The following ASIC2 variants were observed in gnomAD, a reference collection of about 807,000 sequenced individuals.
ASIC2 encodes the protein acid sensing ion channel subunit 2.
Under a neutral mutation model 57.3 loss-of-function variants are expected in ASIC2, and 25 were observed. The ratio of observed to expected loss-of-function variants is 0.44; its 90% CI spans 0.32 to 0.61. ASIC2 has a LOEUF of 0.61. Among genes scored for constraint, ASIC2 ranks in the 20% least tolerant of loss-of-function variants. The probability of loss-of-function intolerance (pLI) is 0.06; values close to 1 mark genes in which losing one functional copy is unlikely to be tolerated. For synonymous variants in ASIC2, 319 were observed against 307.5 expected, an observed-to-expected ratio of 1.04 and a Z score of -0.39; for missense variants, 641 against 738.1, an observed-to-expected ratio of 0.87 and a Z score of 1.52.
In ASIC2 at chr17:33,291,875, C is replaced by A; in HGVS notation, c.241G>T (p.Gly81Cys). The change falls in exon 1 of 10, where the codon GGC becomes TGC. Residue 81 changes from glycine to cysteine, a missense_variant. Gly to Cys is a radical substitution (Grantham distance 159). Transcript: ENST00000225823. ...HMCAGRTAAG[G>C]SFQRRALWVL... ...CACAGCGCCCGCCGCTGGAAGGAGC[C>A]CCCAGCCGCCGTGCGCCCGGCACAC... The A allele has an allele frequency of 1.9e-6, 3 of 1,607,356 alleles. No homozygotes were observed. Among genetic ancestry groups the A allele is most frequent in the Non-Finnish European group, 2.5e-6 (3 of 1,179,248 alleles).
chr17:33,105,576 A>G (rs2092231536), intron 2 of ASIC2, among the ~76,000 whole-genome samples: 2 of 152,250 alleles, frequency 1.3e-5, no homozygotes, highest in South Asian at 4.1e-4. Flanking sequence ...TGTGGAAAAC[A>G]CTTTGGAACT....
At chr17:33,339,885 T>A (rs1323635284) in intron 1 of ASIC2, among the ~76,000 whole-genome samples, 1 of 152,166 alleles carries the variant, frequency 6.6e-6, no homozygotes, top group Non-Finnish European at 1.5e-5. Context: ...AGGTCATTTG[T>A]TAGCAAAATC....
At chr17:33,712,655 T>TTTTTTTTTTTATTTTTTTTTA in intron 1 of ASIC2, among the ~76,000 whole-genome samples, 1 of 139,002 alleles carries the variant, frequency 7.2e-6, no homozygotes, top group African/African-American at 2.8e-5. Flanking sequence ...TTTTTTTTTT[T>TTTTTTTTTTTATTTTTTTTTA]TTTTTTTTGA....
chr17:33,919,027 C>T (rs560881254), intron 1 of ASIC2, among the ~76,000 whole-genome samples: 39 of 152,268 alleles, frequency 2.6e-4, no homozygotes, highest in Middle Eastern at 3.4e-3. Flanking sequence ...GGGGGTGTGC[C>T]ATGATCCCCA....
intron 1 of ASIC2, among the ~76,000 whole-genome samples, chr17:34,007,563 G>A (rs1357496230): frequency 6.6e-6 from 1 of 152,164 alleles, no homozygotes; most frequent in Non-Finnish European, 1.5e-5. Context: ...AACAGAGGAG[G>A]TACCCAAGCC....
At chr17:33,188,309 G>A (rs562311083) in intron 1 of ASIC2, among the ~76,000 whole-genome samples, 122 of 152,230 alleles carry the variant, frequency 8.0e-4, no homozygotes, top group African/African-American at 2.8e-3. Flanking sequence ...AAATAATGGA[G>A]TATCTGTGAG....
At chr17:33,301,957 T>A (rs1196687789) in intron 1 of ASIC2, among the ~76,000 whole-genome samples, 1 of 152,240 alleles carries the variant, frequency 6.6e-6, no homozygotes, top group East Asian at 1.9e-4. Flanking sequence ...CTCCTTCAGA[T>A]GTCCAGACCC....
intron 1 of ASIC2, among the ~76,000 whole-genome samples, chr17:33,633,512 G>GT (rs1906245401): frequency 6.6e-6 from 1 of 152,206 alleles, no homozygotes; most frequent in Non-Finnish European, 1.5e-5. Flanking sequence ...GGGTCGAGGG[G>GT]TTGCTGGAGT....
At chr17:34,028,607 C>G (rs780777101) in intron 1 of ASIC2, among the ~76,000 whole-genome samples, 1 of 152,194 alleles carries the variant, frequency 6.6e-6, no homozygotes, top group Non-Finnish European at 1.5e-5. Context: ...CATTATTTCA[C>G]CAGCAGCCAT....
chr17:33,319,234 AAAT>A (rs769673826), intron 1 of ASIC2, among the ~76,000 whole-genome samples: 92 of 145,762 alleles, frequency 6.3e-4, no homozygotes, highest in Non-Finnish European at 1.7e-4. Flanking sequence ...CGTCTCAAAA[AAAT>A]AAACCCCCAA....
At chr17:33,096,957 C>T (rs569859526) in intron 2 of ASIC2, among the ~76,000 whole-genome samples, 15 of 152,318 alleles carry the variant, frequency 9.8e-5, no homozygotes, top group East Asian at 7.7e-4. Context: ...CTAACCATTT[C>T]GTTAACACCT....
intron 1 of ASIC2, among the ~76,000 whole-genome samples, chr17:33,743,112 T>C (rs1490916): frequency 1 from 151,776 of 152,350 alleles, 75,606 homozygotes; most frequent in Middle Eastern, 1. Flanking sequence ...CTTAGGAATT[T>C]CATGCTGGCA....
rs190061104 is a variant in ASIC2 at position 33,978,114 on chromosome 17, C to T, written c.555+177864G>A. 1.2e-4 allele frequency among the ~76,000 whole-genome samples: 19 copies of T among 152,256 alleles called. No individual in the cohort carries two copies. In the East Asian group the frequency reaches 3.1e-3, roughly 25 times the overall value. ...AGACCACGCCAGACCTGGATCTTTC[C>T]CAGGTTTGAAGGTTGAATGTGCCTG... On this transcript the variant is annotated intron_variant, in intron 1 of 9. Transcript: ENST00000359872.
At chr17:33,906,458 G>A (rs932252326) in intron 1 of ASIC2, among the ~76,000 whole-genome samples, 1 of 152,144 alleles carries the variant, frequency 6.6e-6, no homozygotes, top group African/African-American at 2.4e-5. Context: ...TAACATTTTG[G>A]GCAGCTGAGA....
intron 1 of ASIC2, among the ~76,000 whole-genome samples, chr17:33,917,039 C>T (rs1442478222): frequency 6.6e-6 from 1 of 152,174 alleles, no homozygotes; most frequent in African/African-American, 2.4e-5. Flanking sequence ...TACTGACCCA[C>T]ACTTGCTCCC....
At chr17:33,430,463 G>C (rs1042637441) in intron 1 of ASIC2, among the ~76,000 whole-genome samples, 32 of 152,128 alleles carry the variant, frequency 2.1e-4, no homozygotes, top group Admixed American at 2.1e-3. Context: ...AGGGGCTCCT[G>C]GATACCCTAC....
chr17:33,435,387 A>G (rs1055892859), intron 1 of ASIC2, among the ~76,000 whole-genome samples: 6 of 152,252 alleles, frequency 3.9e-5, no homozygotes, highest in Admixed American at 3.9e-4. Context: ...TCTAAAGGAT[A>G]CAGGTACCAA....
chr17:33,127,490 C>T (rs1309603405), intron 1 of ASIC2, among the ~76,000 whole-genome samples: 7 of 152,138 alleles, frequency 4.6e-5, no homozygotes, highest in Admixed American at 1.3e-4. Flanking sequence ...GGCAGAGGGA[C>T]GCCTTGAGAC....
chr17:33,802,834 G>T, intron 1 of ASIC2, among the ~76,000 whole-genome samples: 1 of 152,222 alleles, frequency 6.6e-6, no homozygotes, highest in South Asian at 2.1e-4. Context: ...CCTCTTGTGT[G>T]CTCTTTCGTG....
Sources: gnomAD v4.1 joint callset for allele counts (sites outside exome capture counted in the v4.1 genomes callset) on GRCh38, gnomAD v4.1.1 for gene constraint, MANE v1.5 for transcripts, NCBI Gene and HGNC (gene_info 2026-07-23, HGNC 2026-07-21) for gene names.